Variants in LRCH3 observed in about 807,000 individuals in gnomAD.
LRCH3 encodes the protein leucine rich repeats and calponin homology domain containing 3, also known as DISP complex protein LRCH3.
A neutral mutation model predicts 104.5 loss-of-function variants in LRCH3; 68 were observed. That is an observed-to-expected ratio of 0.65 (90% CI 0.54 to 0.80). The LOEUF (loss-of-function observed/expected upper bound fraction) is 0.80. Ranked by LOEUF, LRCH3 falls within the 30% of genes least tolerant of loss-of-function variation. The probability of loss-of-function intolerance (pLI) is 0.00; values close to 1 mark genes in which losing one functional copy is unlikely to be tolerated. For synonymous variants in LRCH3, 344 were observed against 361.3 expected, an observed-to-expected ratio of 0.95 and a Z score of 0.54; for missense variants, 951 against 953.9, an observed-to-expected ratio of 1.00 and a Z score of 0.04.
chr3:197,845,808 C>T (rs369410471), intron 10 of LRCH3, among the ~76,000 whole-genome samples: 3 of 152,016 alleles, frequency 2.0e-5, no homozygotes, highest in East Asian at 3.9e-4. Flanking sequence ...AGGAGGCTGA[C>T]GCAGAAGAAT....
chr3:197,831,469 T>A (rs577147772), intron 7 of LRCH3, among the ~76,000 whole-genome samples: 8 of 152,198 alleles, frequency 5.3e-5, no homozygotes, highest in Non-Finnish European at 8.8e-5. Context: ...CTACTATTTA[T>A]AACATTGTTT....
At chr3:197,836,703 A>G (rs1736845301) in intron 9 of LRCH3, among the ~76,000 whole-genome samples, 1 of 152,250 alleles carries the variant, frequency 6.6e-6, no homozygotes, top group Admixed American at 6.5e-5. Flanking sequence ...TTAATGAAGC[A>G]GAGTCACTCT....
chr3:197,796,785 C>A (rs1731253385), intron 1 of LRCH3, among the ~76,000 whole-genome samples: 2 of 152,132 alleles, frequency 1.3e-5, no homozygotes, highest in African/African-American at 4.8e-5. Flanking sequence ...ATACATTTGA[C>A]CCTAAAATTT....
At chr3:197,880,077 CT>C (rs1713550791) in intron 20 of LRCH3, among the ~76,000 whole-genome samples, 1 of 151,166 alleles carries the variant, frequency 6.6e-6, no homozygotes, top group Non-Finnish European at 1.5e-5. Flanking sequence ...TCCCGAGTAG[CT>C]GGGACTACAG....
chr3:197,841,995 C>A (rs1015313900), intron 10 of LRCH3, among the ~76,000 whole-genome samples: 1 of 152,018 alleles, frequency 6.6e-6, no homozygotes, highest in Non-Finnish European at 1.5e-5. Context: ...ACATACTCAG[C>A]AAATTTTTTG....
At position 197,888,425 on chromosome 3, in the gene LRCH3, C is replaced by T. The variant is rs1381580268; in HGVS notation, c.*4759C>T. The T allele has an allele frequency of 6.6e-6, 1 of 152,250 alleles. No homozygotes were observed. Among genetic ancestry groups the T allele is most frequent in the South Asian group, 2.1e-4 (1 of 4,828 alleles). The allele number at this position is 152,250 out of a possible 1,614,324, so 9.4% of individuals were successfully genotyped here. ...CAAATAAAAGCCAACACTTCAGTGGCGTGTAATAAAAGCTGATTGGAGCGT... is the reference window on the plus strand; with the variant it reads ...CAAATAAAAGCCAACACTTCAGTGGTGTGTAATAAAAGCTGATTGGAGCGT... On this transcript the variant is annotated 3_prime_UTR_variant, in exon 21 of 21. Coordinates refer to ENST00000425562, the MANE Select transcript of LRCH3 (RefSeq NM_001365715.1).
intron 20 of LRCH3, among the ~76,000 whole-genome samples, chr3:197,879,831 C>CTTT (rs778621543): frequency 2.8e-5 from 4 of 142,082 alleles, no homozygotes; most frequent in East Asian, 2.0e-4. Flanking sequence ...TTCTGACCTA[C>CTTT]TTTTTTTTTT....
Position 197,821,274 on chromosome 3 carries a change from C to T in LRCH3, c.640+844C>T, listed in dbSNP as rs562948287. Among the ~76,000 whole-genome samples, 220 of 152,158 alleles carry T rather than the reference C, an allele frequency of 1.4e-3. 2 individuals are homozygous for T. The highest frequency in any genetic ancestry group is 0.01 in the Middle Eastern group (3 of 294). ...TGGGGTGAGAGACTGCGCTAAGAGA[C>T]GGGTTATTTACTTAGGCTGACTACA... On this transcript the variant is annotated intron_variant, in intron 4 of 20. Coordinates refer to ENST00000425562, the MANE Select transcript of LRCH3 (RefSeq NM_001365715.1).
At chr3:197,839,083 G>A (rs1737387001) in intron 9 of LRCH3, among the ~76,000 whole-genome samples, 1 of 152,180 alleles carries the variant, frequency 6.6e-6, no homozygotes, top group Non-Finnish European at 1.5e-5. Flanking sequence ...AATACAGTGA[G>A]AAGGAAATCT....
chr3:197,879,616 CA>C (rs948602651), intron 20 of LRCH3, among the ~76,000 whole-genome samples: 2 of 150,990 alleles, frequency 1.3e-5, no homozygotes, highest in African/African-American at 2.4e-5. Context: ...GACTCCGTCT[CA>C]AAAAAAATAA....
chr3:197,817,979 C>T (rs1734046417), intron 3 of LRCH3, among the ~76,000 whole-genome samples: 1 of 152,146 alleles, frequency 6.6e-6, no homozygotes, highest in Admixed American at 6.6e-5. Context: ...CGCCACCATG[C>T]CTGGTTAATT....
intron 4 of LRCH3, chr3:197,823,156 G>C (rs1205786013): frequency 6.9e-6 from 1 of 145,796 alleles, no homozygotes; most frequent in Admixed American, 7.0e-5. Flanking sequence ...TTTTAGTAGA[G>C]ACGGGGTTTC....
At chr3:197,833,364 CGAAAAAAA>C (rs1378601540) in intron 8 of LRCH3, among the ~76,000 whole-genome samples, 1 of 3,590 alleles carries the variant, frequency 2.8e-4, no homozygotes, top group Non-Finnish European at 5.3e-4. Flanking sequence ...TACTAAAAAC[CGAAAAAAA>C]AAAAAAAAAA....
intron 1 of LRCH3, among the ~76,000 whole-genome samples, chr3:197,811,515 T>G (rs1203430917): frequency 2.0e-5 from 3 of 152,152 alleles, no homozygotes; most frequent in Non-Finnish European, 4.4e-5. Context: ...CATAATGGGC[T>G]GATTGGGTAA....
intron 16 of LRCH3, among the ~76,000 whole-genome samples, 173 bp from the exon 17 acceptor site, chr3:197,865,939 C>A (rs775536116): frequency 1.3e-5 from 2 of 152,148 alleles, no homozygotes; most frequent in Non-Finnish European, 2.9e-5. Flanking sequence ...AAAATACATA[C>A]AAGCGGTCCT....
chr3:197,881,733 C>T, intron 20 of LRCH3: 1 of 985,330 alleles, frequency 1.0e-6, no homozygotes, highest in Non-Finnish European at 1.2e-6. Context: ...CAGGAACCTT[C>T]TGAACTCTGT....
Position 197,883,871 on chromosome 3 carries a change from C to A in LRCH3, c.*205C>A, listed in dbSNP as rs1441203685. The A allele has an allele frequency of 3.9e-6, 2 of 512,422 alleles. No individual in the cohort carries two copies. The highest frequency in any genetic ancestry group is 6.4e-6 in the Non-Finnish European group (2 of 312,738). The allele number at this position is 512,422 out of a possible 1,614,324, so 31.7% of individuals were successfully genotyped here. A position where few individuals can be genotyped will look rare whatever the true frequency, so the allele number is the denominator to read the frequency against. On this transcript the variant is annotated 3_prime_UTR_variant, in exon 21 of 21. Transcript: ENST00000425562. The surrounding 1 kb of genome is among the most constrained non-coding windows in gnomAD (Gnocchi z 4.2). ...CCATTGAATTTTTTTACGAAGACAC[C>A]ATTGGTTTTCTCAGATGAAACTTCT... is the stretch of plus-strand genomic sequence containing the variant.
In LRCH3 at chr3:197,850,586, A is replaced by T. The variant is rs9681456; in HGVS notation, c.1531-1975A>T. The stretch of plus-strand genomic sequence containing the variant: ...CTCTGTAGGTCCGGCGGCACATCTC[A>T]GGTGCTTTGTTCACTTGGATATGCT... On this transcript the variant is annotated intron_variant, in intron 12 of 20. Transcript: ENST00000425562. 1.2e-3 allele frequency: 1,976 copies of T among 1,586,124 alleles called. 24 individuals are homozygous for T. The African/African-American group carries it at 0.023, about 19-fold the overall frequency.
At chr3:197,792,606 A>ATATATATATATATATATATATAT (rs1233845852) in intron 1 of LRCH3, among the ~76,000 whole-genome samples, 14 of 37,972 alleles carry the variant, frequency 3.7e-4, no homozygotes, top group South Asian at 1.2e-3. Context: ...TATATATATA[A>ATATATATATATATATATATATAT]AATATACATA....
Sources: gnomAD v4.1 joint callset for allele counts (sites outside exome capture counted in the v4.1 genomes callset) on GRCh38, gnomAD v4.1.1 for gene constraint, Gnocchi (gnomAD v3.1) non-coding constraint, MANE v1.5 for transcripts, NCBI Gene and HGNC (gene_info 2026-07-23, HGNC 2026-07-21) for gene names.